The following RIMBP2 variants were observed in gnomAD, a reference collection of about 807,000 sequenced individuals.
The protein encoded by RIMBP2 is RIMS binding protein 2, also known as RIMS-binding protein 2.
Under a neutral mutation model 118.6 loss-of-function variants are expected in RIMBP2, and 48 were observed. The ratio of observed to expected loss-of-function variants is 0.40; its 90% CI spans 0.32 to 0.51. The LOEUF is 0.51. RIMBP2 is among the 20% of genes least tolerant of loss of function. The pLI, the probability that RIMBP2 is intolerant of heterozygous loss-of-function variation, is 0.41. For synonymous variants in RIMBP2, 762 were observed against 742.9 expected, an observed-to-expected ratio of 1.03 and a Z score of -0.42; for missense variants, 1,551 against 1,768.3, an observed-to-expected ratio of 0.88 and a Z score of 2.20.
chr12:130,436,974 C>A lies in RIMBP2; in HGVS notation c.1974G>T (p.Pro658=), dbSNP rs565981416. 3 of 1,608,630 alleles carry A rather than the reference C, an allele frequency of 1.9e-6. No individual in the cohort carries two copies. The highest frequency in any genetic ancestry group is 2.2e-5 in the South Asian group (2 of 90,186). The change falls in exon 13 of 23, where the codon CCG becomes CCT. Residue 658 remains proline (P), a synonymous_variant. Coordinates refer to ENST00000690449, the MANE Select transcript of RIMBP2 (RefSeq NM_001393629.1). ...PGPVHGHMLE[P]PVGPGRRSPS... is the part of the protein sequence containing the mutation. Reference sequence around the variant, plus strand: ...GCGACCGCCTTCCGGGGCCCACGGGCGGCTCCAGCATGTGCCCATGCACAG... The same window carrying A: ...GCGACCGCCTTCCGGGGCCCACGGGAGGCTCCAGCATGTGCCCATGCACAG...
In RIMBP2 at chr12:130,617,611, G is replaced by C. The variant is rs931212737; in HGVS notation, c.-217+10711C>G. ...AGGCGGCCTTTCCTTTAGCAAAGGT[G>C]GGCTGCTTCTTATTTCAGCTGAAGC... On this transcript the variant is annotated intron_variant, in intron 2 of 22. Coordinates refer to ENST00000690449, the MANE Select transcript of RIMBP2 (RefSeq NM_001393629.1). This position sits in a 1 kb window ranked among gnomAD's most constrained non-coding sequence, Gnocchi z 4.6. 6.6e-6 allele frequency among the ~76,000 whole-genome samples: 1 copy of C among 152,190 alleles called. No homozygotes were observed. The highest frequency in any genetic ancestry group is 1.5e-5 in the Non-Finnish European group (1 of 68,036).
At chr12:130,714,229 A>C (rs759583898) in intron 1 of RIMBP2, among the ~76,000 whole-genome samples, 175 of 152,196 alleles carry the variant, frequency 1.1e-3, no homozygotes, top group Non-Finnish European at 2.2e-3. Flanking sequence ...GGTCTCTTCC[A>C]GGCGCCAACA....
At chr12:130,616,702 G>T (rs778576727) in intron 2 of RIMBP2, among the ~76,000 whole-genome samples, 14 of 152,188 alleles carry the variant, frequency 9.2e-5, no homozygotes, top group Admixed American at 1.3e-4. Context: ...CCCAGGGCTG[G>T]CAGGAAGACG....
chr12:130,526,917 A>G (rs2052850688), intron 2 of RIMBP2, among the ~76,000 whole-genome samples: 1 of 152,092 alleles, frequency 6.6e-6, no homozygotes, highest in Admixed American at 6.5e-5. Flanking sequence ...AAGGAAGGGA[A>G]GGGAAGAAAA....
At chr12:130,552,431 T>C (rs896840730) in intron 2 of RIMBP2, among the ~76,000 whole-genome samples, 3 of 152,168 alleles carry the variant, frequency 2.0e-5, no homozygotes, top group Non-Finnish European at 1.5e-5. Flanking sequence ...ATTATATAAC[T>C]GCAATAAGTT....
intron 2 of RIMBP2, among the ~76,000 whole-genome samples, chr12:130,605,901 T>G (rs758853641): frequency 1.3e-5 from 2 of 152,064 alleles, no homozygotes; most frequent in Admixed American, 6.5e-5. Context: ...CCATCTCTAC[T>G]GAAAATTCAG....
chr12:130,677,191 G>C (rs762870243), intron 1 of RIMBP2, among the ~76,000 whole-genome samples: 1 of 152,122 alleles, frequency 6.6e-6, no homozygotes, highest in Non-Finnish European at 1.5e-5. Flanking sequence ...AGCCTTCTAC[G>C]AGGAGCATGG....
intron 17 of RIMBP2, among the ~76,000 whole-genome samples, chr12:130,417,755 C>A (rs1317851244): frequency 2.6e-5 from 4 of 152,158 alleles, no homozygotes; most frequent in African/African-American, 7.2e-5. Flanking sequence ...TTTAAGAAAT[C>A]AAAACAATTA....
rs115647008 is a variant in RIMBP2, at chr12:130,554,015, T to C, written c.-216-36098A>G. Among the ~76,000 whole-genome samples the C allele has an allele frequency of 6.7e-3, 1,022 of 152,266 alleles. 8 individuals carry two copies. Among genetic ancestry groups the C allele is most frequent in the African/African-American group, 0.023 (941 of 41,556 alleles). ...ATTTATTCCTAGGTCCAGCAAACAT[T>C]TACTGCAAGCCAACTGTGTTCCGAG... is the stretch of plus-strand genomic sequence containing the variant. On this transcript the variant is annotated intron_variant, in intron 2 of 22. Coordinates refer to ENST00000690449, the MANE Select transcript of RIMBP2 (RefSeq NM_001393629.1).
chr12:130,661,171 G>A (rs1050780478), intron 1 of RIMBP2, among the ~76,000 whole-genome samples: 1 of 152,194 alleles, frequency 6.6e-6, no homozygotes, highest in Non-Finnish European at 1.5e-5. Context: ...CCTCTTGGTG[G>A]CAAGGACACC....
chr12:130,690,088 G>A (rs2065244135), intron 1 of RIMBP2, among the ~76,000 whole-genome samples: 1 of 152,202 alleles, frequency 6.6e-6, no homozygotes. Flanking sequence ...CCTCACTTCT[G>A]TCTTCAAAGT....
At chr12:130,548,085 G>A (rs1160757640) in intron 2 of RIMBP2, among the ~76,000 whole-genome samples, 2 of 152,118 alleles carry the variant, frequency 1.3e-5, no homozygotes, top group East Asian at 3.9e-4. Context: ...GACCATCAAA[G>A]ACCAAAATGT....
At chr12:130,640,515 T>C (rs2062569255) in intron 1 of RIMBP2, among the ~76,000 whole-genome samples, 1 of 152,260 alleles carries the variant, frequency 6.6e-6, no homozygotes, top group Non-Finnish European at 1.5e-5. Context: ...TTCGTGTCTG[T>C]AACCACAGCC....
intron 1 of RIMBP2, among the ~76,000 whole-genome samples, chr12:130,692,272 T>A (rs971026525): frequency 6.6e-6 from 1 of 152,140 alleles, no homozygotes; most frequent in Non-Finnish European, 1.5e-5. Context: ...CAGGGCCTTG[T>A]GGTCAGGGCG....
chr12:130,653,892 G>A (rs1163241910), intron 1 of RIMBP2, among the ~76,000 whole-genome samples: 1 of 152,202 alleles, frequency 6.6e-6, no homozygotes, highest in Non-Finnish European at 1.5e-5. Flanking sequence ...AGGATGCAGG[G>A]AGCAGTGTCC....
In RIMBP2 at chr12:130,576,924, A is replaced by G. The variant is rs912937042; in HGVS notation, c.-217+51398T>C. ...CGCGGGGTGGAACAGGAACTTCTGG[A>G]CAGAGATGGGGACAAAGAGAAGCGA... On this transcript the variant is annotated intron_variant, in intron 2 of 22. Coordinates refer to ENST00000690449, the MANE Select transcript of RIMBP2 (RefSeq NM_001393629.1). The surrounding 1 kb of genome is among the most constrained non-coding windows in gnomAD (Gnocchi z 4.2). Among the ~76,000 whole-genome samples the G allele has an allele frequency of 1.3e-5, 2 of 152,172 alleles. No individual in the cohort carries two copies. The highest frequency in any genetic ancestry group is 4.8e-5 in the African/African-American group (2 of 41,432).
At chr12:130,715,073 C>A (rs1451475925) in intron 1 of RIMBP2, among the ~76,000 whole-genome samples, 1 of 152,250 alleles carries the variant, frequency 6.6e-6, no homozygotes. Context: ...CTCTTCCCAC[C>A]GATCTTCCAT....
In RIMBP2 at chr12:130,578,521, T is replaced by C. The variant is rs2058243440; in HGVS notation, c.-217+49801A>G. On this transcript the variant is annotated intron_variant, in intron 2 of 22. Transcript: ENST00000690449. This position sits in a 1 kb window ranked among gnomAD's most constrained non-coding sequence, Gnocchi z 4.1. ...CACAGACCTGTTCTCCTGGCCCCAG[T>C]CGTACATGCCTGTGTTCTGTTTCTC... Among the ~76,000 whole-genome samples, 1 of 152,216 alleles carries C rather than the reference T, an allele frequency of 6.6e-6. No homozygotes were observed. Among genetic ancestry groups the C allele is most frequent in the Non-Finnish European group, 1.5e-5 (1 of 68,032 alleles).
At chr12:130,531,328 G>C (rs1567995) in intron 2 of RIMBP2, among the ~76,000 whole-genome samples, 67,677 of 152,094 alleles carry the variant, frequency 0.44, 15,638 homozygotes, top group Admixed American at 0.51. Flanking sequence ...CCTCTCCCCT[G>C]CCTCCTCCCA....
Sources: gnomAD v4.1 joint callset for allele counts (sites outside exome capture counted in the v4.1 genomes callset) on GRCh38, gnomAD v4.1.1 for gene constraint, Gnocchi (gnomAD v3.1) non-coding constraint, MANE v1.5 for transcripts, NCBI Gene and HGNC (gene_info 2026-07-23, HGNC 2026-07-21) for gene names.